The following LAMA2 variants were observed in gnomAD, a reference collection of about 807,000 sequenced individuals.
LAMA2 encodes the protein laminin subunit alpha-2.
Under a neutral mutation model 364.8 loss-of-function variants are expected in LAMA2, and 269 were observed. The ratio of observed to expected loss-of-function variants is 0.74; its 90% CI spans 0.67 to 0.82. LAMA2 has a LOEUF of 0.82. Among genes scored for constraint, LAMA2 ranks in the 40% least tolerant of loss-of-function variants. The pLI, the probability that LAMA2 is intolerant of heterozygous loss-of-function variation, is 0.00. For missense variants in LAMA2, 3,807 were observed against 3,873.2 expected (o/e 0.98, Z 0.45); for synonymous variants, 1,379 against 1,370.6 (o/e 1.01, Z -0.14).
intron 1 of LAMA2, among the ~76,000 whole-genome samples, chr6:128,902,481 G>A (rs536168156): frequency 6.6e-6 from 1 of 151,948 alleles, no homozygotes; most frequent in Non-Finnish European, 1.5e-5. Flanking sequence ...AGAAAAATGA[G>A]AAAAAATCAA....
intron 51 of LAMA2, among the ~76,000 whole-genome samples, chr6:129,469,000 G>A (rs1348130895): frequency 1.3e-5 from 2 of 151,866 alleles, no homozygotes; most frequent in Non-Finnish European, 2.9e-5. Context: ...AGGCCAAAAA[G>A]CATCATATGA....
intron 17 of LAMA2, among the ~76,000 whole-genome samples, chr6:129,272,748 T>A (rs1392840794): frequency 6.6e-6 from 1 of 152,168 alleles, no homozygotes; most frequent in Non-Finnish European, 1.5e-5. Flanking sequence ...CATTACCACC[T>A]GAGCTCAGCC....
intron 1 of LAMA2, among the ~76,000 whole-genome samples, chr6:128,989,984 A>G (rs1006739213): frequency 7.2e-5 from 11 of 152,148 alleles, no homozygotes; most frequent in Admixed American, 5.9e-4. Context: ...TGATATCCTC[A>G]CATTGGAGAT....
chr6:128,978,411 G>A (rs1478382534), intron 1 of LAMA2, among the ~76,000 whole-genome samples: 10 of 148,710 alleles, frequency 6.7e-5, no homozygotes, highest in African/African-American at 1.8e-4. Context: ...TTCGCCTCCC[G>A]GGTTCAAGCG....
chr6:129,234,472 GAAGT>G (rs1784860819), intron 12 of LAMA2, among the ~76,000 whole-genome samples: 1 of 152,026 alleles, frequency 6.6e-6, no homozygotes, highest in African/African-American at 2.4e-5. Flanking sequence ...ACAAAGATGA[GAAGT>G]AAGTTGAAAA....
chr6:129,048,899 G>C (rs1288975910), intron 1 of LAMA2, among the ~76,000 whole-genome samples: 2 of 152,056 alleles, frequency 1.3e-5, no homozygotes, highest in Non-Finnish European at 2.9e-5. Context: ...ACAGGCGTGA[G>C]TCACCACACC....
chr6:129,455,697 A>C (rs1169996417), intron 47 of LAMA2, among the ~76,000 whole-genome samples: 1 of 152,198 alleles, frequency 6.6e-6, no homozygotes, highest in Non-Finnish European at 1.5e-5. Flanking sequence ...AAATTCTGTT[A>C]ATTGAATTTA....
Position 129,147,043 on chromosome 6 carries a change from A to G in LAMA2, c.904A>G (p.Thr302Ala). The G allele has an allele frequency of 6.3e-7, 1 of 1,595,262 alleles. No homozygotes were observed. Residue 302 changes from threonine (T) to alanine (A), a missense_variant, in exon 6 of 65, where the codon ACA (threonine) becomes GCA (alanine). Thr to Ala is a moderately conservative substitution (Grantham distance 58). Around this residue, in one of 3 missense-constraint regions of LAMA2, gnomAD observed 394 missense variants for 403.5 expected, o/e 0.98. Coordinates refer to ENST00000421865, the MANE Select transcript of LAMA2 (RefSeq NM_000426.4). ...CAGGGCTTGTCCACTTGATCCAGCG[A>G]CAAATGTATGTATATTTATAGGATG... ...HARACPLDPA[T>A]NKSRCECEHN... is the part of the protein sequence containing the mutation.
chr6:129,041,775 G>A (rs533272798), intron 1 of LAMA2, among the ~76,000 whole-genome samples: 1 of 152,188 alleles, frequency 6.6e-6, no homozygotes, highest in African/African-American at 2.4e-5. Context: ...GGCTGAGGTG[G>A]GAGCATTGCC....
chr6:129,125,443 A>G (rs1381748658), intron 4 of LAMA2, among the ~76,000 whole-genome samples: 2 of 152,222 alleles, frequency 1.3e-5, no homozygotes, highest in African/African-American at 4.8e-5. Context: ...ACTGAGCTCT[A>G]AGGAACATCT....
intron 1 of LAMA2, among the ~76,000 whole-genome samples, chr6:129,037,814 T>C (rs531097149): frequency 5.0e-4 from 76 of 152,086 alleles, no homozygotes; most frequent in Middle Eastern, 3.4e-3. Context: ...CAACTACAGG[T>C]GCTTGCCACC....
intron 1 of LAMA2, among the ~76,000 whole-genome samples, chr6:129,009,311 AATT>A (rs1268308826): frequency 2.0e-5 from 3 of 152,124 alleles, no homozygotes; most frequent in African/African-American, 7.2e-5. Context: ...AACACTTTGG[AATT>A]ATAATTTAGA....
intron 30 of LAMA2, among the ~76,000 whole-genome samples, chr6:129,348,508 A>G (rs146898693): frequency 1.5e-3 from 231 of 152,186 alleles, no homozygotes; most frequent in African/African-American, 5.4e-3. Context: ...GTAACAACCC[A>G]AAACTACATG....
rs1172506735 is a variant in LAMA2 at position 129,314,791 on chromosome 6, G to A, written c.3548G>A (p.Arg1183Gln). 3.1e-6 allele frequency: 5 copies of A among 1,614,002 alleles called. No homozygotes were observed. The highest frequency in any genetic ancestry group is 4.2e-6 in the Non-Finnish European group (5 of 1,179,984). The change falls in exon 24 of 65, where the codon CGG becomes CAG. Residue 1183 changes from arginine (R) to glutamine (Q), a missense_variant. By Grantham distance (43) the Arg-to-Gln change is conservative. Coordinates refer to ENST00000421865, the MANE Select transcript of LAMA2 (RefSeq NM_000426.4). ...TQCSEAKGLI[R>Q]TWVTLKAEQT... ...TGCTCTGAAGCAAAAGGACTGATCC[G>A]GACGTGGGTGAGTAGGGAACTGCTG...
intron 12 of LAMA2, among the ~76,000 whole-genome samples, chr6:129,232,092 T>G (rs146040866): frequency 6.6e-6 from 1 of 152,106 alleles, no homozygotes; most frequent in Admixed American, 6.6e-5. Context: ...CTGAAAAATA[T>G]AGCTGTCTAT....
intron 9 of LAMA2, among the ~76,000 whole-genome samples, chr6:129,170,032 A>C (rs6936161): frequency 6.6e-6 from 1 of 151,098 alleles, no homozygotes; most frequent in Non-Finnish European, 1.5e-5. Flanking sequence ...TTTTTATTGC[A>C]TCTATTAGAT....
At chr6:129,484,918 G>A (rs1784520604) in intron 55 of LAMA2, among the ~76,000 whole-genome samples, 1 of 152,118 alleles carries the variant, frequency 6.6e-6, no homozygotes, top group Non-Finnish European at 1.5e-5. Flanking sequence ...TGTTAACGCA[G>A]CTTCATCGTT....
intron 14 of LAMA2, among the ~76,000 whole-genome samples, chr6:129,255,404 TCAAAAAAAAAAA>T (rs981488747): frequency 5.0e-5 from 1 of 19,984 alleles, no homozygotes; most frequent in Non-Finnish European, 1.1e-4. Context: ...AGACTCTGTC[TCAAAAAAAAAAA>T]AAAAAAAAAA....
rs2114357233 is a variant in LAMA2, at chr6:129,270,705, G to A, written c.2404G>A (p.Glu802Lys). 1 of 1,613,234 alleles carries A rather than the reference G, an allele frequency of 6.2e-7. No individual in the cohort carries two copies. The highest frequency in any genetic ancestry group is 8.5e-7 in the Non-Finnish European group (1 of 1,179,502). Residue 802 changes from glutamate to lysine, a missense_variant, in exon 17 of 65, where the codon GAA (glutamate) becomes AAA (lysine). Physicochemically the swap from Glu to Lys is moderately conservative, Grantham distance 56. Around this residue, in one of 3 missense-constraint regions of LAMA2, gnomAD observed 3,333 missense variants for 3,345.7 expected, o/e 1.00. Coordinates refer to ENST00000421865, the MANE Select transcript of LAMA2 (RefSeq NM_000426.4). ...FYGEPTKGTS[E>K]DCQPCACPLN... Reference sequence around the variant, plus strand: ...TGGCGAGCCTACTAAAGGAACCTCTGAAGACTGTCAACCCTGTGCCTGTCC... The same window carrying A: ...TGGCGAGCCTACTAAAGGAACCTCTAAAGACTGTCAACCCTGTGCCTGTCC...
Sources: gnomAD v4.1 joint callset for allele counts (sites outside exome capture counted in the v4.1 genomes callset) on GRCh38, gnomAD v4.1.1 for gene constraint, gnomAD v4.1.1 regional missense constraint, MANE v1.5 for transcripts, NCBI Gene and HGNC (gene_info 2026-07-23, HGNC 2026-07-21) for gene names.